RFC3: variants seen among roughly 807,000 people sequenced by gnomAD.
The protein encoded by RFC3 is replication factor C subunit 3.
RFC3 carries 41 observed loss-of-function variants against 45.1 expected under a neutral mutation model. The observed-to-expected ratio is 0.91, with a 90% CI of 0.71 to 1.18. The LOEUF (loss-of-function observed/expected upper bound fraction) is 1.18. RFC3 is among the 50% of genes most tolerant of loss of function. RFC3 has a pLI of 0.00. For synonymous variants in RFC3, 149 were observed against 144.0 expected, an observed-to-expected ratio of 1.03 and a Z score of -0.25; for missense variants, 423 against 428.1, an observed-to-expected ratio of 0.99 and a Z score of 0.10.
chr13:33,869,393 G>GT (rs1566009451), intron 8 of RFC3, among the ~76,000 whole-genome samples: 3 of 56,796 alleles, frequency 5.3e-5, no homozygotes, highest in Non-Finnish European at 2.2e-4. Flanking sequence ...AAACTGTGTA[G>GT]ATTTTTTTTT....
At chr13:33,945,506 C>A (rs2082949159) in intron 8 of RFC3, among the ~76,000 whole-genome samples, 1 of 152,198 alleles carries the variant, frequency 6.6e-6, no homozygotes, top group South Asian at 2.1e-4. Context: ...CAGGAAACTT[C>A]AATGAACTGA....
intron 8 of RFC3, among the ~76,000 whole-genome samples, chr13:33,921,171 T>G (rs1190343071): frequency 6.6e-6 from 1 of 152,196 alleles, no homozygotes; most frequent in East Asian, 1.9e-4. Flanking sequence ...CTAGACTAAC[T>G]GTTGGGAATT....
rs954084068 is a variant in RFC3, at chr13:33,836,479, A to G, written c.*184A>G. On this transcript the variant is annotated 3_prime_UTR_variant, in exon 9 of 9. Coordinates refer to ENST00000380071, the MANE Select transcript of RFC3 (RefSeq NM_002915.4). ...ATAATTGCTCCTATACTATTGAAGT[A>G]TGTAGTTTTGTACATAACTTAGAGA... The G allele has an allele frequency of 1.6e-5, 22 of 1,360,682 alleles. No homozygotes were observed. Among genetic ancestry groups the G allele is most frequent in the Non-Finnish European group, 1.9e-5 (20 of 1,054,572 alleles). The allele number at this position is 1,360,682 out of a possible 1,614,324, so 84.3% of individuals were successfully genotyped here. A position where few individuals can be genotyped will look rare whatever the true frequency, so the allele number is the denominator to read the frequency against.
At position 33,836,606 on chromosome 13, in the gene RFC3, TA is replaced by T; in HGVS notation, c.*314del. The T allele has an allele frequency of 1.9e-6, 2 of 1,029,586 alleles. No homozygotes were observed. Among genetic ancestry groups the T allele is most frequent in the Non-Finnish European group, 1.2e-6 (1 of 857,808 alleles). The allele number at this position is 1,029,586 out of a possible 1,614,324, so 63.8% of individuals were successfully genotyped here. The stretch of plus-strand genomic sequence containing the variant: ...CTCTTCCGTCTAATCTCTCACCTGC[TA>T]AAGGAGATTTACACATTAGAAAGCA... On this transcript the variant is annotated 3_prime_UTR_variant, in exon 9 of 9. Coordinates refer to ENST00000380071, the MANE Select transcript of RFC3 (RefSeq NM_002915.4).
At chr13:33,941,520 A>G (rs2082923878) in intron 8 of RFC3, among the ~76,000 whole-genome samples, 1 of 151,984 alleles carries the variant, frequency 6.6e-6, no homozygotes, top group Admixed American at 6.6e-5. Flanking sequence ...GTTATTTTCA[A>G]TTGCTATATT....
At chr13:33,933,429 A>G (rs911353088) in intron 8 of RFC3, among the ~76,000 whole-genome samples, 1 of 152,070 alleles carries the variant, frequency 6.6e-6, no homozygotes, top group Non-Finnish European at 1.5e-5. Flanking sequence ...TTTTGTTATC[A>G]TGGGTTCTAT....
chr13:33,840,928 C>A (rs909065870), downstream of RFC3, among the ~76,000 whole-genome samples: 7 of 152,148 alleles, frequency 4.6e-5, no homozygotes, highest in Non-Finnish European at 1.0e-4. Context: ...TGGTGCCATT[C>A]ACAGCCAAGA....
rs143428679 is a variant in RFC3 at position 33,897,921 on chromosome 13, C to T, written c.879+62704C>T. Among the ~76,000 whole-genome samples, 35 of 151,812 alleles carry T rather than the reference C, an allele frequency of 2.3e-4. 1 individual carries two copies. The highest frequency in any genetic ancestry group is 1.7e-3 in the East Asian group (9 of 5,156). Reference sequence around the variant, plus strand: ...CAGAGCTCCCAAGTATATATAAAAACATTAACAATTGCCTGTATCAAAATA... The same window carrying T: ...CAGAGCTCCCAAGTATATATAAAAATATTAACAATTGCCTGTATCAAAATA... On this transcript the variant is annotated intron_variant, in intron 8 of 8. Coordinates refer to the RFC3 transcript ENST00000434425.
chr13:33,850,386 TG>T (rs1193981677), intron 8 of RFC3: 1 of 152,102 alleles, frequency 6.6e-6, no homozygotes, highest in Admixed American at 6.6e-5. Flanking sequence ...TATAATAAAA[TG>T]TATCTATTTT....
intron 8 of RFC3, among the ~76,000 whole-genome samples, chr13:33,935,597 T>G (rs1057368838): frequency 1.3e-5 from 2 of 152,192 alleles, no homozygotes; most frequent in African/African-American, 4.8e-5. Context: ...GATCCTAATT[T>G]GTGGAAGGTT....
chr13:33,932,530 A>AT (rs1232520893), intron 8 of RFC3, among the ~76,000 whole-genome samples: 2 of 152,046 alleles, frequency 1.3e-5, no homozygotes, highest in Non-Finnish European at 2.9e-5. Context: ...AGTCTGCTGA[A>AT]TTTTTTGGAA....
intron 8 of RFC3, among the ~76,000 whole-genome samples, chr13:33,937,210 A>G (rs1430146240): frequency 2.0e-5 from 3 of 152,200 alleles, no homozygotes; most frequent in Non-Finnish European, 4.4e-5. Flanking sequence ...GTTTAGATAT[A>G]CAAATACTTA....
chr13:33,876,187 C>G (rs986863139), intron 8 of RFC3, among the ~76,000 whole-genome samples: 1 of 152,098 alleles, frequency 6.6e-6, no homozygotes, highest in African/African-American at 2.4e-5. Flanking sequence ...AATAGTTACC[C>G]AATAAATGAG....
intron 8 of RFC3, among the ~76,000 whole-genome samples, chr13:33,853,964 A>G (rs924196815): frequency 4.6e-5 from 7 of 152,212 alleles, no homozygotes; most frequent in Admixed American, 3.9e-4. Flanking sequence ...TCCATGTGAC[A>G]CAGTCATCAC....
At chr13:33,822,508 ATGTC>A (rs935460675) in intron 2 of RFC3, among the ~76,000 whole-genome samples, 1 of 152,230 alleles carries the variant, frequency 6.6e-6, no homozygotes, top group African/African-American at 2.4e-5. Context: ...ATCATATTGT[ATGTC>A]TATTGTAAAT....
At chr13:33,820,857 A>G (rs1213151482) in intron 1 of RFC3, among the ~76,000 whole-genome samples, 1 of 151,120 alleles carries the variant, frequency 6.6e-6, no homozygotes, top group African/African-American at 2.4e-5. Context: ...TGTCACGTAT[A>G]TAAGTTATAC....
chr13:33,886,068 C>A (rs2082520027), intron 8 of RFC3, among the ~76,000 whole-genome samples: 1 of 151,920 alleles, frequency 6.6e-6, no homozygotes, highest in Admixed American at 6.6e-5. Flanking sequence ...TCTCAACTGC[C>A]TGACTCTCTT....
chr13:33,899,165 A>G (rs539709481), intron 8 of RFC3, among the ~76,000 whole-genome samples: 1 of 143,338 alleles, frequency 7.0e-6, no homozygotes, highest in Admixed American at 7.4e-5. Context: ...TGGAGCCAGC[A>G]TTACCCTGAT....
chr13:33,955,784 C>T (rs1406124849), intron 8 of RFC3, among the ~76,000 whole-genome samples: 1 of 152,052 alleles, frequency 6.6e-6, no homozygotes, highest in East Asian at 1.9e-4. Flanking sequence ...CTGGGCTAAA[C>T]CAGTTAAAAA....
Sources: gnomAD v4.1 joint callset for allele counts (sites outside exome capture counted in the v4.1 genomes callset) on GRCh38, gnomAD v4.1.1 for gene constraint, MANE v1.5 for transcripts, NCBI Gene and HGNC (gene_info 2026-07-23, HGNC 2026-07-21) for gene names.